FGF14: variants seen among roughly 807,000 people sequenced by gnomAD.
FGF14 encodes fibroblast growth factor homologous factor 4.
FGF14 carries 5 observed loss-of-function variants against 25.5 expected under a neutral mutation model. That is an observed-to-expected ratio of 0.20 (90% CI 0.10 to 0.41). The LOEUF is 0.41. Ranked by LOEUF, FGF14 falls within the 10% of genes least tolerant of loss-of-function variation. The probability of loss-of-function intolerance (pLI) is 1.00; values close to 1 mark genes in which losing one functional copy is unlikely to be tolerated. For missense variants in FGF14, 222 were observed against 320.1 expected (o/e 0.69, Z 2.34); for synonymous variants, 138 against 118.3 (o/e 1.17, Z -1.08).
intron 1 of FGF14, among the ~76,000 whole-genome samples, chr13:101,922,582 T>C (rs1266628392): frequency 6.6e-6 from 1 of 152,208 alleles, no homozygotes; most frequent in Non-Finnish European, 1.5e-5. Flanking sequence ...TCTAATCATG[T>C]AATCCATTAT....
chr13:102,200,587 G>A (rs1372139939), intron 1 of FGF14, among the ~76,000 whole-genome samples: 3 of 150,698 alleles, frequency 2.0e-5, no homozygotes, highest in East Asian at 2.0e-4. Flanking sequence ...CTAGCCATTG[G>A]GAAATGCAGG....
At chr13:101,988,309 C>T (rs1276222560) in intron 1 of FGF14, among the ~76,000 whole-genome samples, 1 of 151,810 alleles carries the variant, frequency 6.6e-6, no homozygotes, top group East Asian at 2.0e-4. Context: ...GCAGGTTCAT[C>T]AAAATAGCTC....
intron 1 of FGF14, among the ~76,000 whole-genome samples, chr13:102,143,111 T>A (rs983137483): frequency 2.6e-5 from 4 of 152,306 alleles, no homozygotes; most frequent in African/African-American, 9.6e-5. Context: ...ATGACACAGA[T>A]ACCCACTTAT....
chr13:102,378,478 T>A (rs2139155830), intron 1 of FGF14, among the ~76,000 whole-genome samples: 1 of 152,224 alleles, frequency 6.6e-6, no homozygotes, highest in African/African-American at 2.4e-5. Flanking sequence ...TCAGCATAGA[T>A]CATTTACCAG....
chr13:102,286,610 C>T (rs1384382912), intron 1 of FGF14, among the ~76,000 whole-genome samples: 1 of 152,084 alleles, frequency 6.6e-6, no homozygotes, highest in Admixed American at 6.6e-5. Flanking sequence ...ATAAATGTAT[C>T]CGTGAATGTC....
chr13:102,022,982 T>TCTA (rs933470397), intron 1 of FGF14, among the ~76,000 whole-genome samples: 4 of 81,112 alleles, frequency 4.9e-5, no homozygotes, highest in African/African-American at 1.5e-4. Context: ...AGGAAGGGCC[T>TCTA]CTACTCTAAA....
At chr13:102,205,349 G>A (rs375206309) in intron 1 of FGF14, among the ~76,000 whole-genome samples, 6 of 151,840 alleles carry the variant, frequency 4.0e-5, no homozygotes, top group African/African-American at 1.2e-4. Context: ...AAAACAAGGC[G>A]CACACACTCA....
chr13:102,026,981 T>C (rs2139906202), intron 1 of FGF14, among the ~76,000 whole-genome samples: 1 of 152,160 alleles, frequency 6.6e-6, no homozygotes, highest in Admixed American at 6.6e-5. Context: ...CTACCCATTG[T>C]AGTAAACTCA....
chr13:102,087,376 C>T (rs932898056), intron 1 of FGF14, among the ~76,000 whole-genome samples: 4 of 142,636 alleles, frequency 2.8e-5, no homozygotes, highest in Non-Finnish European at 6.2e-5. Context: ...GTGTACCTTG[C>T]CCAGAAATAG....
intron 1 of FGF14, among the ~76,000 whole-genome samples, chr13:101,913,086 A>G (rs1206926197): frequency 6.6e-6 from 1 of 152,246 alleles, no homozygotes; most frequent in African/African-American, 2.4e-5. Flanking sequence ...AAGGCTTCTC[A>G]GAGGAGATGG....
At chr13:101,732,551 G>A (rs2035883442) in intron 3 of FGF14, among the ~76,000 whole-genome samples, 1 of 152,142 alleles carries the variant, frequency 6.6e-6, no homozygotes, top group East Asian at 1.9e-4. Flanking sequence ...GACTCCTTAG[G>A]AGTATCTCTC....
At position 102,167,672 on chromosome 13, in the gene FGF14, A is replaced by G. The variant is rs184186823; in HGVS notation, c.208+233799T>C. Among the ~76,000 whole-genome samples the G allele has an allele frequency of 5.9e-5, 9 of 152,256 alleles. No homozygotes were observed. The East Asian group carries it at 1.7e-3, about 29-fold the overall frequency. On this transcript the variant is annotated intron_variant, in intron 1 of 4. Transcript: ENST00000376131. ...TAGGAAGTCTGAAAAGTAAGTAATA[A>G]CACTGAACCTGTTGAGTCAAGAACA... is the stretch of plus-strand genomic sequence containing the variant.
chr13:102,049,990 GT>G (rs141066338), intron 1 of FGF14, among the ~76,000 whole-genome samples: 4,905 of 152,276 alleles, frequency 0.032, 113 homozygotes, highest in African/African-American at 0.057. Flanking sequence ...AATCCAACCA[GT>G]TTGGGACACT....
chr13:102,321,275 T>C (rs573438229), intron 1 of FGF14, among the ~76,000 whole-genome samples: 2 of 152,318 alleles, frequency 1.3e-5, no homozygotes, highest in African/African-American at 4.8e-5. Flanking sequence ...ATGGACTGTT[T>C]TAATTTCCAT....
chr13:102,115,814 T>TA (rs147034133), intron 1 of FGF14, among the ~76,000 whole-genome samples: 80,737 of 151,610 alleles, frequency 0.53, 22,920 homozygotes, highest in East Asian at 0.75. Flanking sequence ...GAACCAAAAA[T>TA]AAAGTAGAAA....
upstream of FGF14, among the ~76,000 whole-genome samples, chr13:101,919,888 T>C (rs1485490493): frequency 6.6e-6 from 1 of 152,138 alleles, no homozygotes; most frequent in Non-Finnish European, 1.5e-5. Context: ...GCGCAGCGCC[T>C]GAACAGCGGA....
At chr13:101,847,937 T>C (rs2043548529) in intron 3 of FGF14, among the ~76,000 whole-genome samples, 1 of 152,044 alleles carries the variant, frequency 6.6e-6, no homozygotes, top group Non-Finnish European at 1.5e-5. Context: ...TAGTCTACCT[T>C]GCATTTAGTA....
At chr13:101,756,661 A>AGGC (rs1422077353) in intron 3 of FGF14, among the ~76,000 whole-genome samples, 1 of 152,174 alleles carries the variant, frequency 6.6e-6, no homozygotes, top group Admixed American at 6.5e-5. Context: ...TGAATCCAGG[A>AGGC]GGCGGAGGTT....
intron 3 of FGF14, among the ~76,000 whole-genome samples, chr13:101,816,042 G>A (rs765675435): frequency 1.5e-4 from 23 of 151,720 alleles, no homozygotes; most frequent in Non-Finnish European, 2.8e-4. Context: ...AGGCCGAGAC[G>A]GGCGGATCAC....
Sources: allele counts gnomAD v4.1 joint callset (sites outside exome capture counted in the v4.1 genomes callset), GRCh38; gene constraint gnomAD v4.1.1; transcripts MANE v1.5; gene names NCBI Gene and HGNC (gene_info 2026-07-23, HGNC 2026-07-21).